LRRC37A2: variants seen among roughly 807,000 people sequenced by gnomAD.
LRRC37A2 encodes the protein leucine-rich repeat-containing protein 37A2.
LRRC37A2 carries 9 observed loss-of-function variants against 68.8 expected under a neutral mutation model. The ratio of observed to expected loss-of-function variants is 0.13; its 90% CI spans 0.08 to 0.23. The LOEUF (loss-of-function observed/expected upper bound fraction) is 0.23. Ranked by LOEUF, LRRC37A2 falls within the 10% of genes least tolerant of loss-of-function variation. LRRC37A2 has a pLI of 1.00. For synonymous variants in LRRC37A2, 63 were observed against 367.6 expected (o/e 0.17, Z 9.48); for missense variants, 168 against 950.4 (o/e 0.18, Z 10.82).
the LRRC37A2 span, chr17:46,939,622 T>G: frequency 1.0e-6 from 1 of 985,694 alleles, no homozygotes; most frequent in Non-Finnish European, 1.2e-6. Flanking sequence ...TTTTAGTATC[T>G]CTAATTCTTT....
chr17:46,891,260 G>A, the LRRC37A2 span, among the ~76,000 whole-genome samples: 1 of 152,126 alleles, frequency 6.6e-6, no homozygotes, highest in Admixed American at 6.5e-5. Context: ...AGTGTCTTCC[G>A]TGGCCTTTCT....
chr17:46,525,602 T>TAATATAATA, intron 6 of LRRC37A2, among the ~76,000 whole-genome samples: 1 of 103,292 alleles, frequency 9.7e-6, no homozygotes, highest in East Asian at 2.7e-4. Context: ...ATAATAATAA[T>TAATATAATA]ATAATAATAA....
chr17:46,551,295 T>C (rs1387181416), intron 11 of LRRC37A2, among the ~76,000 whole-genome samples: 1 of 150,074 alleles, frequency 6.7e-6, no homozygotes, highest in Non-Finnish European at 1.5e-5. Context: ...GATTACATGA[T>C]GTATTACTTT....
chr17:46,807,069 C>T, the LRRC37A2 span, among the ~76,000 whole-genome samples: 3 of 152,124 alleles, frequency 2.0e-5, no homozygotes, highest in Non-Finnish European at 2.9e-5. Context: ...GAGACAGTCC[C>T]TAGAGGAAGA....
At chr17:47,028,300 T>C in the LRRC37A2 span, 1 of 1,509,124 alleles carries the variant, frequency 6.6e-7, no homozygotes, top group Non-Finnish European at 9.2e-7. Context: ...TGCAATGTAA[T>C]TACAGAACTC....
chr17:46,778,730 CG>C, the LRRC37A2 span, among the ~76,000 whole-genome samples: 1 of 152,136 alleles, frequency 6.6e-6, no homozygotes, highest in African/African-American at 2.4e-5. Flanking sequence ...ATGACTCCAG[CG>C]GGGCTGTTTC....
At chr17:46,900,563 G>A in the LRRC37A2 span, among the ~76,000 whole-genome samples, 2 of 152,084 alleles carry the variant, frequency 1.3e-5, no homozygotes, top group Non-Finnish European at 2.9e-5. Context: ...TCTATTTCTT[G>A]AGCCCCCTGG....
At chr17:46,708,882 T>G in the LRRC37A2 span, among the ~76,000 whole-genome samples, 1 of 141,866 alleles carries the variant, frequency 7.0e-6, no homozygotes, top group African/African-American at 2.6e-5. Context: ...TGGAGTGCAG[T>G]GGCGCAATTT....
chr17:46,964,396 C>CG, the LRRC37A2 span: 1 of 152,288 alleles, frequency 6.6e-6, no homozygotes, highest in Non-Finnish European at 1.5e-5. Context: ...TGAGCAGCCT[C>CG]TAAAAGCAGC....
chr17:46,991,866 A>G, the LRRC37A2 span, among the ~76,000 whole-genome samples: 1 of 152,210 alleles, frequency 6.6e-6, no homozygotes, highest in Non-Finnish European at 1.5e-5. Context: ...TTTTTGCCAT[A>G]ATGGCAGAAT....
chr17:46,991,774 T>C, the LRRC37A2 span, among the ~76,000 whole-genome samples: 1 of 152,252 alleles, frequency 6.6e-6, no homozygotes, highest in African/African-American at 2.4e-5. Context: ...ACAGGCTGGA[T>C]CTGGCCACCA....
At chr17:46,964,145 G>A in the LRRC37A2 span, 1 of 152,298 alleles carries the variant, frequency 6.6e-6, no homozygotes, top group South Asian at 2.1e-4. Context: ...CAAGCTTCCA[G>A]GATTCTTCTG....
the LRRC37A2 span, among the ~76,000 whole-genome samples, chr17:46,988,707 G>A: frequency 6.6e-6 from 1 of 152,136 alleles, no homozygotes. Flanking sequence ...GGATGTGCAC[G>A]TGACAGTGTC....
At chr17:46,976,590 C>T in the LRRC37A2 span, among the ~76,000 whole-genome samples, 1 of 152,070 alleles carries the variant, frequency 6.6e-6, no homozygotes, top group African/African-American at 2.4e-5. Flanking sequence ...TAACTCTTGA[C>T]TCGTTCTCTT....
chr17:46,875,504 C>T, the LRRC37A2 span: 14 of 1,208,024 alleles, frequency 1.2e-5, no homozygotes, highest in African/African-American at 1.2e-4. Context: ...ATGAACTTCA[C>T]GTCTTCAACC....
the LRRC37A2 span, among the ~76,000 whole-genome samples, chr17:46,865,813 C>T: frequency 1.3e-5 from 2 of 152,084 alleles, no homozygotes; most frequent in Non-Finnish European, 2.9e-5. Flanking sequence ...GTCTCACTTA[C>T]GTTGCCCAGG....
the LRRC37A2 span, among the ~76,000 whole-genome samples, chr17:46,807,928 A>G: frequency 6.6e-6 from 1 of 152,228 alleles, no homozygotes; most frequent in Admixed American, 6.5e-5. Flanking sequence ...AATAAAGCTG[A>G]AGGTCGAATT....
the LRRC37A2 span, among the ~76,000 whole-genome samples, chr17:46,715,722 G>T: frequency 1.3e-5 from 2 of 152,168 alleles, no homozygotes; most frequent in Non-Finnish European, 2.9e-5. Context: ...CTTGAAGGGG[G>T]AAGGTAATAT....
At chr17:46,535,149 C>T (rs1004058176) in intron 6 of LRRC37A2, among the ~76,000 whole-genome samples, 2 of 148,910 alleles carry the variant, frequency 1.3e-5, no homozygotes, top group Non-Finnish European at 2.9e-5. Flanking sequence ...GAGCCTCAAG[C>T]CTCCCAAGGT....
Sources: gnomAD v4.1 joint callset for allele counts (sites outside exome capture counted in the v4.1 genomes callset) on GRCh38, gnomAD v4.1.1 for gene constraint, MANE v1.5 for transcripts, NCBI Gene and HGNC (gene_info 2026-07-23, HGNC 2026-07-21) for gene names.